The following SEPTIN2 variants were observed in gnomAD, a reference collection of about 807,000 sequenced individuals.
The protein encoded by SEPTIN2 is septin-2.
Under a neutral mutation model 46.5 loss-of-function variants are expected in SEPTIN2, and 34 were observed. The ratio of observed to expected loss-of-function variants is 0.73; its 90% CI spans 0.56 to 0.97. SEPTIN2 has a LOEUF of 0.97. Ranked by LOEUF, SEPTIN2 falls within the 50% of genes least tolerant of loss-of-function variation. The pLI is 0.00. For missense variants in SEPTIN2, 347 were observed against 448.4 expected (o/e 0.77, Z 2.04); for synonymous variants, 175 against 153.4 (o/e 1.14, Z -1.04).
chr2:241,335,345 T>G, intron 4 of SEPTIN2, 133 bp downstream of exon 4: 2 of 1,553,062 alleles, frequency 1.3e-6, no homozygotes, highest in Non-Finnish European at 1.7e-6. Context: ...GAAAACACTT[T>G]TATGGGGTAG....
intron 2 of SEPTIN2, 142 bp downstream of exon 2, chr2:241,324,383 G>C (rs1462080055): frequency 6.9e-6 from 4 of 577,664 alleles, no homozygotes. Context: ...TTCTAATTTA[G>C]TTGTCTTTTT....
intron 3 of SEPTIN2, among the ~76,000 whole-genome samples, chr2:241,334,366 A>C (rs2079553406): frequency 6.6e-6 from 1 of 152,188 alleles, no homozygotes; most frequent in Non-Finnish European, 1.5e-5. Flanking sequence ...TTCAAATGTA[A>C]AATTTAATTT....
At chr2:241,335,038 C>A in intron 3 of SEPTIN2, 88 bp from the exon 4 acceptor site, 1 of 826,228 alleles carries the variant, frequency 1.2e-6, no homozygotes, top group Non-Finnish European at 2.0e-6. Context: ...AGGTACTTAG[C>A]CCAGTACCAG....
chr2:241,316,777 C>CTGT (rs2076365896), intron 1 of SEPTIN2: 2 of 401,738 alleles, frequency 5.0e-6, no homozygotes, highest in Non-Finnish European at 8.9e-6. Flanking sequence ...GAACCAACTA[C>CTGT]ACTGAACTTC....
chr2:241,351,916 G>GCAGA (rs2060826341), intron 12 of SEPTIN2, 51 bp from the exon 13 acceptor site: 1 of 152,632 alleles, frequency 6.6e-6, no homozygotes, highest in South Asian at 2.1e-4. Context: ...AATTAACGCA[G>GCAGA]CAGACATTGC....
chr2:241,331,860 T>TA (rs2079062761), intron 3 of SEPTIN2, among the ~76,000 whole-genome samples: 1 of 152,236 alleles, frequency 6.6e-6, no homozygotes. Flanking sequence ...TAAGGGTAGA[T>TA]ACACAGATCT....
chr2:241,327,722 A>G (rs914707336), intron 3 of SEPTIN2, among the ~76,000 whole-genome samples: 6 of 152,040 alleles, frequency 3.9e-5, no homozygotes, highest in African/African-American at 1.4e-4. Context: ...TGTAATAAGC[A>G]AATAGACCAT....
Position 241,337,263 on chromosome 2 carries a change from T to C in SEPTIN2, c.342-119T>C, listed in dbSNP as rs1417296760. ...TCTAAAAGTCAGTCTTCTGTTCTCATCTTGAAAATGAATTATTAAATTATG... is the reference window on the plus strand; with the variant it reads ...TCTAAAAGTCAGTCTTCTGTTCTCACCTTGAAAATGAATTATTAAATTATG... On this transcript the variant is annotated intron_variant, in intron 5 of 12. Transcript: ENST00000391971. The C allele has an allele frequency of 3.7e-5, 36 of 970,538 alleles. No individual in the cohort carries two copies. In the Admixed American group the frequency reaches 9.5e-4, roughly 26 times the overall value. 60.1% of individuals were successfully genotyped at this position (970,538 alleles called of 1,614,324 possible).
intron 9 of SEPTIN2, 89 bp from the exon 10 acceptor site, chr2:241,346,077 T>C (rs1053379226): frequency 1.2e-6 from 1 of 854,982 alleles, no homozygotes; most frequent in Admixed American, 2.1e-5. Flanking sequence ...ATTACTGCTA[T>C]TTCTTCTATG....
chr2:241,339,109 C>G (rs1223366648), intron 7 of SEPTIN2, among the ~76,000 whole-genome samples: 1 of 143,508 alleles, frequency 7.0e-6, no homozygotes, highest in Non-Finnish European at 1.5e-5. Context: ...AAAAGAGTTT[C>G]TAGGCCGAGT....
At chr2:241,333,910 G>A (rs1195085297) in intron 3 of SEPTIN2, among the ~76,000 whole-genome samples, 1 of 152,170 alleles carries the variant, frequency 6.6e-6, no homozygotes, top group Non-Finnish European at 1.5e-5. Context: ...AAGTGCAGTG[G>A]CATGATCATA....
chr2:241,329,030 A>G (rs754556270), intron 3 of SEPTIN2, among the ~76,000 whole-genome samples: 15 of 152,150 alleles, frequency 9.9e-5, no homozygotes, highest in Non-Finnish European at 2.1e-4. Flanking sequence ...CTCACACACA[A>G]AAAAGGTAGA....
rs773415599 is a variant in SEPTIN2, at chr2:241,337,514, T to C, written c.474T>C (p.His158=). ...TTTACTTTATTTCACCTTTTGGACA[T>C]GGGTAAGTAATTGTTTATCGTGGAG... is the stretch of plus-strand genomic sequence containing the variant. ...CCFYFISPFG[H]GLKPLDVAFM... is the part of the protein sequence containing the mutation. The change falls in exon 6 of 13, where the codon CAT becomes CAC. Residue 158 remains histidine, a splice_region_variant and synonymous_variant. Transcript: ENST00000391971. 3 of 1,613,738 alleles carry C rather than the reference T, an allele frequency of 1.9e-6. No homozygotes were observed. The highest frequency in any genetic ancestry group is 1.7e-5 in the Admixed American group (1 of 59,992).
intron 5 of SEPTIN2, chr2:241,337,181 T>C: frequency 1.9e-6 from 1 of 538,982 alleles, no homozygotes; most frequent in Non-Finnish European, 3.2e-6. Context: ...CTTTTGACTC[T>C]CAGCACTTAG....
intron 1 of SEPTIN2, among the ~76,000 whole-genome samples, chr2:241,317,298 C>T (rs1458225399): frequency 6.6e-6 from 1 of 152,080 alleles, no homozygotes; most frequent in African/African-American, 2.4e-5. Context: ...AAAGGTTGTC[C>T]TGATTTTTTT....
At chr2:241,319,570 T>C (rs1052614759) in intron 1 of SEPTIN2, among the ~76,000 whole-genome samples, 2 of 152,224 alleles carry the variant, frequency 1.3e-5, no homozygotes, top group African/African-American at 4.8e-5. Flanking sequence ...TTCAGAAATA[T>C]CCTGAATTAG....
At chr2:241,335,635 AG>A in intron 4 of SEPTIN2, 2 of 576,998 alleles carry the variant, frequency 3.5e-6, no homozygotes, top group Non-Finnish European at 6.2e-6. Context: ...ACACATAGTG[AG>A]AGCCTAAGAC....
chr2:241,339,335 T>G (rs1335650677), intron 7 of SEPTIN2, among the ~76,000 whole-genome samples: 1 of 150,344 alleles, frequency 6.7e-6, no homozygotes, highest in Non-Finnish European at 1.5e-5. Flanking sequence ...AGAGGTTGTT[T>G]GCAGTCCAGC....
chr2:241,344,594 C>T (rs1411410667), intron 9 of SEPTIN2, among the ~76,000 whole-genome samples: 2 of 151,984 alleles, frequency 1.3e-5, no homozygotes, highest in East Asian at 3.9e-4. Flanking sequence ...CCCAGCTACT[C>T]AGGAGGCTGA....
Sources: gnomAD v4.1 joint callset for allele counts (sites outside exome capture counted in the v4.1 genomes callset) on GRCh38, gnomAD v4.1.1 for gene constraint, MANE v1.5 for transcripts, NCBI Gene and HGNC (gene_info 2026-07-23, HGNC 2026-07-21) for gene names.